The following ARHGEF10L variants were observed in gnomAD, a reference collection of about 807,000 sequenced individuals.
ARHGEF10L encodes rho guanine nucleotide exchange factor 10-like protein.
A neutral mutation model predicts 141.2 loss-of-function variants in ARHGEF10L; 69 were observed. The observed-to-expected ratio is 0.49, with a 90% CI of 0.40 to 0.60. The LOEUF (loss-of-function observed/expected upper bound fraction) is 0.60. Ranked by LOEUF, ARHGEF10L falls within the 20% of genes least tolerant of loss-of-function variation. The pLI, the probability that ARHGEF10L is intolerant of heterozygous loss-of-function variation, is 0.00. For synonymous variants in ARHGEF10L, 711 were observed against 718.5 expected (o/e 0.99, Z 0.17); for missense variants, 1,482 against 1,734.3 (o/e 0.85, Z 2.58).
At chr1:17,614,408 G>A (rs1434719825) in intron 8 of ARHGEF10L, among the ~76,000 whole-genome samples, 1 of 152,208 alleles carries the variant, frequency 6.6e-6, no homozygotes, top group Non-Finnish European at 1.5e-5. Flanking sequence ...GGATTCGGCA[G>A]GTGTACTCGG....
Position 17,625,896 on chromosome 1 carries a change from C to T in ARHGEF10L, c.1318-60C>T. 6.8e-7 allele frequency: 1 copy of T among 1,466,382 alleles called. No homozygotes were observed. Among genetic ancestry groups the T allele is most frequent in the Non-Finnish European group, 9.5e-7 (1 of 1,049,850 alleles). 90.8% of individuals were successfully genotyped at this position (1,466,382 alleles called of 1,614,324 possible). A position where few individuals can be genotyped will look rare whatever the true frequency, so the allele number is the denominator to read the frequency against. On this transcript the variant is annotated intron_variant, in intron 13 of 28. Transcript: ENST00000361221. The surrounding 1 kb of genome is among the most constrained non-coding windows in gnomAD (Gnocchi z 4.5). ...CCAGAATGGGGACAGTGTCTGGACT[C>T]TGGGGCACTGGGCCCTCTCTGCAGG...
At chr1:17,631,456 A>C (rs1174950547) in intron 15 of ARHGEF10L, among the ~76,000 whole-genome samples, 28 of 151,914 alleles carry the variant, frequency 1.8e-4, no homozygotes, top group Admixed American at 1.8e-3. Flanking sequence ...GTCTGTTCCA[A>C]CTCTGTCATG....
chr1:17,570,077 C>T (rs539983031), intron 1 of ARHGEF10L, among the ~76,000 whole-genome samples: 127 of 152,276 alleles, frequency 8.3e-4, no homozygotes, highest in African/African-American at 2.9e-3. Flanking sequence ...CAGCTGTGGC[C>T]GCCTCCTCCC....
At chr1:17,514,125 C>CTTTT in the ARHGEF10L span, among the ~76,000 whole-genome samples, 32 of 40,478 alleles carry the variant, frequency 7.9e-4, 1 homozygote, top group African/African-American at 2.4e-3. Context: ...CACCCAGCCT[C>CTTTT]TTTTTTTTTT....
In ARHGEF10L at chr1:17,644,742, C is replaced by T. The variant is rs1159911084; in HGVS notation, c.2273-3812C>T. The stretch of plus-strand genomic sequence containing the variant: ...TGGGAGGCAGGTCGGGCTGGAGAAG[C>T]AGGGCTGGGCCCGCGGTGGGCTCAG... On this transcript the variant is annotated intron_variant, in intron 21 of 28. Transcript: ENST00000361221. This position sits in a 1 kb window ranked among gnomAD's most constrained non-coding sequence, Gnocchi z 4.5. Among the ~76,000 whole-genome samples the T allele has an allele frequency of 1.3e-5, 2 of 152,194 alleles. No homozygotes were observed. Among genetic ancestry groups the T allele is most frequent in the Admixed American group, 6.5e-5 (1 of 15,272 alleles).
chr1:17,638,057 C>G, intron 19 of ARHGEF10L, 54 bp downstream of exon 19: 1 of 1,493,306 alleles, frequency 6.7e-7, no homozygotes, highest in Non-Finnish European at 9.1e-7. Flanking sequence ...TGGGCAGTGC[C>G]TGGATTCAGA....
chr1:17,548,555 A>C (rs867483462), intron 1 of ARHGEF10L, among the ~76,000 whole-genome samples: 3 of 152,156 alleles, frequency 2.0e-5, no homozygotes, highest in African/African-American at 7.2e-5. Flanking sequence ...TTACAAAGGG[A>C]AATGTGTGCC....
rs138125961 is a variant in ARHGEF10L at position 17,612,086 on chromosome 1, A to T, written c.610-972A>T. On this transcript the variant is annotated intron_variant, in intron 7 of 28. Coordinates refer to ENST00000361221, the MANE Select transcript of ARHGEF10L (RefSeq NM_018125.4). ...CCTCCCTCCCTTTTACCCTTCACCC[A>T]TCCTCCCTCCATTCATTCTCCAGCA... is the stretch of plus-strand genomic sequence containing the variant. Among the ~76,000 whole-genome samples, 559 of 151,068 alleles carry T rather than the reference A, an allele frequency of 3.7e-3. 4 individuals are homozygous for T. Among genetic ancestry groups the T allele is most frequent in the African/African-American group, 0.013 (529 of 41,102 alleles).
In ARHGEF10L at chr1:17,662,536, G is replaced by C. The variant is rs77905785; in HGVS notation, c.2861-1911G>C. 2.8e-3 allele frequency among the ~76,000 whole-genome samples: 429 copies of C among 152,248 alleles called. 12 individuals are homozygous for C. In the East Asian group the frequency reaches 0.07, roughly 25 times the overall value. ...CGCTCTGTGTGCCTGGAGGTCGAGG[G>C]GAGTCCCTGTTCCCCTGCTTCTTTG... is the stretch of plus-strand genomic sequence containing the variant. On this transcript the variant is annotated intron_variant, in intron 25 of 28. Coordinates refer to ENST00000361221, the MANE Select transcript of ARHGEF10L (RefSeq NM_018125.4).
chr1:17,656,240 G>T lies in ARHGEF10L; in HGVS notation c.2705+138G>T. 2 of 1,098,480 alleles carry T rather than the reference G, an allele frequency of 1.8e-6. No individual in the cohort carries two copies. The highest frequency in any genetic ancestry group is 4.6e-5 in the Admixed American group (2 of 43,318). The allele number at this position is 1,098,480 out of a possible 1,614,324, so 68.0% of individuals were successfully genotyped here. ...CTGGTCTCCAGGAAGGTGGGCACCAGAGCTGCCCAGTGTGGGAGCCAAAGT... is the reference window on the plus strand; with the variant it reads ...CTGGTCTCCAGGAAGGTGGGCACCATAGCTGCCCAGTGTGGGAGCCAAAGT... On this transcript the variant is annotated intron_variant, in intron 24 of 28. Transcript: ENST00000361221. This position sits in a 1 kb window ranked among gnomAD's most constrained non-coding sequence, Gnocchi z 4.9.
intron 15 of ARHGEF10L, among the ~76,000 whole-genome samples, chr1:17,630,376 C>T (rs1456218942): frequency 1.3e-5 from 2 of 152,240 alleles, no homozygotes; most frequent in African/African-American, 2.4e-5. Context: ...TTTCCTCTTC[C>T]AAGTTTTGGG....
At chr1:17,550,552 G>A (rs1305550769) in intron 1 of ARHGEF10L, among the ~76,000 whole-genome samples, 5 of 151,848 alleles carry the variant, frequency 3.3e-5, no homozygotes, top group Admixed American at 2.0e-4. Context: ...TGAGGCAGGA[G>A]AATTGCTCGA....
chr1:17,618,328 G>A, intron 9 of ARHGEF10L: 2 of 1,526,818 alleles, frequency 1.3e-6, no homozygotes, highest in South Asian at 1.2e-5. Context: ...TAATAGCCGT[G>A]GCAGGGCTCG....
intron 2 of ARHGEF10L, among the ~76,000 whole-genome samples, chr1:17,584,205 T>C (rs111387576): frequency 0.018 from 2,682 of 152,178 alleles, 63 homozygotes; most frequent in East Asian, 0.078. Flanking sequence ...CTACTACACC[T>C]GGCTAATTTT....
chr1:17,618,476 C>T lies in ARHGEF10L; in HGVS notation c.836-863C>T, dbSNP rs74059349. ...GTCTGCACCACCCCCACCCCCACGC[C>T]GTCATCCGCTGTCCCTCCTCCTCCT... On this transcript the variant is annotated intron_variant, in intron 9 of 28. Transcript: ENST00000361221. 1.9e-3 allele frequency: 2,721 copies of T among 1,468,214 alleles called. 42 individuals carry two copies. The African/African-American group carries it at 0.035, about 19-fold the overall frequency. The allele number at this position is 1,468,214 out of a possible 1,614,324, so 90.9% of individuals were successfully genotyped here.
At chr1:17,689,666 A>G (rs2064945063) in intron 27 of ARHGEF10L, 1 of 391,188 alleles carries the variant, frequency 2.6e-6, no homozygotes, top group Non-Finnish European at 5.0e-6. Flanking sequence ...GCCATTATAC[A>G]GGTTCAATCC....
intron 1 of ARHGEF10L, among the ~76,000 whole-genome samples, chr1:17,574,983 C>T (rs921805025): frequency 2.6e-5 from 4 of 152,256 alleles, no homozygotes; most frequent in African/African-American, 4.8e-5. Context: ...AAGCCCCACA[C>T]AAGCAGCTCC....
chr1:17,630,228 G>A (rs982152068), intron 15 of ARHGEF10L, among the ~76,000 whole-genome samples: 15 of 152,360 alleles, frequency 9.8e-5, no homozygotes, highest in African/African-American at 2.4e-4. Flanking sequence ...AACCCGAAAC[G>A]GAACCATGCC....
At chr1:17,648,384 C>T (rs1389718246) in intron 21 of ARHGEF10L, among the ~76,000 whole-genome samples, 170 bp from the exon 22 acceptor site, 1 of 152,178 alleles carries the variant, frequency 6.6e-6, no homozygotes. Flanking sequence ...CACGGCATCA[C>T]TCCTGAGGCT....
Sources: allele counts gnomAD v4.1 joint callset (sites outside exome capture counted in the v4.1 genomes callset), GRCh38; gene constraint gnomAD v4.1.1; non-coding constraint Gnocchi (gnomAD v3.1); transcripts MANE v1.5; gene names NCBI Gene and HGNC (gene_info 2026-07-23, HGNC 2026-07-21).